LAMA2: variants seen among roughly 807,000 people sequenced by gnomAD.
LAMA2 encodes the protein laminin subunit alpha-2.
A neutral mutation model predicts 364.8 loss-of-function variants in LAMA2; 269 were observed. The observed-to-expected ratio is 0.74, with a 90% CI of 0.67 to 0.82. LAMA2 has a LOEUF of 0.82. Among genes scored for constraint, LAMA2 ranks in the 40% least tolerant of loss-of-function variants. The pLI, the probability that LAMA2 is intolerant of heterozygous loss-of-function variation, is 0.00. For missense variants in LAMA2, 3,807 were observed against 3,873.2 expected, an observed-to-expected ratio of 0.98 and a Z score of 0.45; for synonymous variants, 1,379 against 1,370.6, an observed-to-expected ratio of 1.01 and a Z score of -0.14.
chr6:129,028,741 G>A (rs1204631157), intron 1 of LAMA2, among the ~76,000 whole-genome samples: 2 of 151,626 alleles, frequency 1.3e-5, no homozygotes, highest in Non-Finnish European at 3.0e-5. Context: ...GGAGCCTGAG[G>A]GAATCAATAT....
rs1021796733 is a variant in LAMA2, at chr6:129,300,757, G to A, written c.3059G>A (p.Gly1020Asp). 6.2e-7 allele frequency: 1 copy of A among 1,613,494 alleles called. No individual in the cohort carries two copies. Among genetic ancestry groups the A allele is most frequent in the African/African-American group, 1.3e-5 (1 of 74,836 alleles). The change falls in exon 22 of 65, where the codon GGT becomes GAT. Residue 1020 changes from glycine (G) to aspartate (D), a missense_variant. Physicochemically the swap from Gly to Asp is moderately conservative, Grantham distance 94. Coordinates refer to ENST00000421865, the MANE Select transcript of LAMA2 (RefSeq NM_000426.4). Reference sequence around the variant, plus strand: ...GAAGCTTGTGAATGTTCTCATCTGGGTAATAATTGTGACCCAAAGACTGGG... The same window carrying A: ...GAAGCTTGTGAATGTTCTCATCTGGATAATAATTGTGACCCAAAGACTGGG... ...GCTACECSHL[G>D]NNCDPKTGRC... is the part of the protein sequence containing the mutation.
In LAMA2 at chr6:129,050,922, C is replaced by T. The variant is rs186187671; in HGVS notation, c.283+834C>T. Among the ~76,000 whole-genome samples the T allele has an allele frequency of 7.9e-5, 12 of 152,186 alleles. No individual in the cohort carries two copies. In the East Asian group the frequency reaches 2.3e-3, roughly 29 times the overall value. Reference sequence around the variant, plus strand: ...CTCATTGATGTATTTATTCAACAGGCCTTTGAACACCTCCTACTAGCAAAG... The same window carrying T: ...CTCATTGATGTATTTATTCAACAGGTCTTTGAACACCTCCTACTAGCAAAG... On this transcript the variant is annotated intron_variant, in intron 2 of 64. Transcript: ENST00000421865.
intron 41 of LAMA2, 66 bp downstream of exon 41, chr6:129,427,920 C>A: frequency 1.1e-6 from 1 of 948,398 alleles, no homozygotes; most frequent in Non-Finnish European, 1.7e-6. Flanking sequence ...GATATTCTAT[C>A]ACACTATTGG....
chr6:128,894,371 T>C (rs1776640427), intron 1 of LAMA2, among the ~76,000 whole-genome samples: 1 of 152,212 alleles, frequency 6.6e-6, no homozygotes, highest in Non-Finnish European at 1.5e-5. Flanking sequence ...AAGCTGTTAA[T>C]CTCACAATGG....
Position 129,199,696 on chromosome 6 carries a change from A to G in LAMA2, c.1782+6843A>G, listed in dbSNP as rs548399235. Among the ~76,000 whole-genome samples, 72 of 152,302 alleles carry G rather than the reference A, an allele frequency of 4.7e-4. 1 individual carries two copies. The highest frequency in any genetic ancestry group is 4.1e-3 in the Admixed American group (62 of 15,304). On this transcript the variant is annotated intron_variant, in intron 12 of 64. Transcript: ENST00000421865. ...ATATCAACAACACTTTTCAAAAAAA[A>G]TTTTTAAGAGGCCATGTATAATAGC...
At chr6:129,234,804 CAG>C (rs1562362973) in intron 12 of LAMA2, among the ~76,000 whole-genome samples, 3 of 151,968 alleles carry the variant, frequency 2.0e-5, no homozygotes, top group East Asian at 1.9e-4. Context: ...AGGAATATAA[CAG>C]GGGGCATAAA....
intron 1 of LAMA2, among the ~76,000 whole-genome samples, chr6:128,924,501 A>G (rs1778964135): frequency 6.6e-6 from 1 of 152,084 alleles, no homozygotes. Context: ...TGTTTTGAGT[A>G]TCAATTAAAT....
At chr6:129,410,483 A>G (rs573103306) in intron 40 of LAMA2, among the ~76,000 whole-genome samples, 138 of 152,156 alleles carry the variant, frequency 9.1e-4, no homozygotes, top group Admixed American at 1.4e-3. Context: ...ATGTTCCTTA[A>G]TATCTTCTAA....
At chr6:128,895,360 C>T (rs949137654) in intron 1 of LAMA2, among the ~76,000 whole-genome samples, 21 of 147,210 alleles carry the variant, frequency 1.4e-4, no homozygotes, top group African/African-American at 5.2e-4. Flanking sequence ...TGGCGGGGCG[C>T]GGTGGCTCAC....
intron 1 of LAMA2, among the ~76,000 whole-genome samples, chr6:128,903,392 T>C (rs1406376216): frequency 6.6e-6 from 1 of 152,214 alleles, no homozygotes; most frequent in Non-Finnish European, 1.5e-5. Flanking sequence ...ATGTGTGCTT[T>C]CAATTCTGTT....
intron 3 of LAMA2, among the ~76,000 whole-genome samples, chr6:129,066,046 T>TTTTTTTTTTTC (rs1789293429): frequency 2.4e-5 from 2 of 82,752 alleles, no homozygotes; most frequent in African/African-American, 3.8e-5. Flanking sequence ...AGGTTTTTTT[T>TTTTTTTTTTTC]TTTTTTTTTT....
chr6:128,909,402 G>A (rs1325893981), intron 1 of LAMA2, among the ~76,000 whole-genome samples: 1 of 151,488 alleles, frequency 6.6e-6, no homozygotes, highest in East Asian at 1.9e-4. Flanking sequence ...GGCCTTCTTT[G>A]TCTCTTTTGA....
chr6:129,107,937 G>A (rs570460787), intron 4 of LAMA2, among the ~76,000 whole-genome samples: 74 of 152,272 alleles, frequency 4.9e-4, no homozygotes, highest in African/African-American at 1.8e-3. Flanking sequence ...AGTTCCTGCT[G>A]AAGCTCTATG....
chr6:129,353,285 C>T lies in LAMA2; in HGVS notation c.4645C>T (p.Arg1549Ter), dbSNP rs121913575. The T allele has an allele frequency of 5.6e-6, 9 of 1,614,044 alleles. No individual in the cohort carries two copies. The South Asian group carries it at 6.6e-5, about 12-fold the overall frequency. The change falls in exon 32 of 65, where the codon CGA (arginine) becomes TGA (stop). Residue 1549 changes from arginine to a stop codon, truncating the protein, a stop_gained. Transcript: ENST00000421865. LOFTEE classifies it high-confidence loss of function. Reference protein sequence around the residue: ...CDPVTGFCTCRPGATGRKCDG... With the variant: ...CDPVTGFCTC ...CCCTGTCACAGGATTCTGCACGTGC[C>T]GACCTGGAGCCACGGGAAGGAAGTG...
At chr6:128,928,977 T>A in intron 1 of LAMA2, 1 of 1,144,186 alleles carries the variant, frequency 8.7e-7, no homozygotes, top group South Asian at 1.2e-5. Context: ...AGCTACTCAT[T>A]CCAGCTCAGA....
rs142437429 is a variant in LAMA2 at position 129,200,342 on chromosome 6, A to G, written c.1782+7489A>G. 3.1e-3 allele frequency among the ~76,000 whole-genome samples: 378 copies of G among 121,148 alleles called. 21 individuals carry two copies. Among genetic ancestry groups the G allele is most frequent in the Non-Finnish European group, 4.1e-3 (213 of 51,484 alleles). 79.5% of individuals were successfully genotyped at this position (121,148 alleles called of 152,430 possible). A position where few individuals can be genotyped will look rare whatever the true frequency, so the allele number is the denominator to read the frequency against. On this transcript the variant is annotated intron_variant, in intron 12 of 64. Coordinates refer to ENST00000421865, the MANE Select transcript of LAMA2 (RefSeq NM_000426.4). ...CGTGTACACATATACATATACACGTATATGTGTACACATATACATATACAC... is the reference window on the plus strand; with the variant it reads ...CGTGTACACATATACATATACACGTGTATGTGTACACATATACATATACAC...
In LAMA2 at chr6:128,883,209, T is replaced by C. The variant is rs1456696466; in HGVS notation, c.-37T>C. 1 of 1,543,218 alleles carries C rather than the reference T, an allele frequency of 6.5e-7. No homozygotes were observed. The highest frequency in any genetic ancestry group is 8.7e-7 in the Non-Finnish European group (1 of 1,144,514). Reference sequence around the variant, plus strand: ...GGGGACAGGGCGGCAGCGACTCCTCTGGCTCCCGAGAAGTGGATCCGGTCG... The same window carrying C: ...GGGGACAGGGCGGCAGCGACTCCTCCGGCTCCCGAGAAGTGGATCCGGTCG... On this transcript the variant is annotated 5_prime_UTR_variant, in exon 1 of 65. Transcript: ENST00000421865.
chr6:129,359,055 T>A (rs1777311264), intron 32 of LAMA2, among the ~76,000 whole-genome samples: 1 of 151,962 alleles, frequency 6.6e-6, no homozygotes, highest in African/African-American at 2.4e-5. Flanking sequence ...AGAATTGCTT[T>A]AAATATTAAG....
intron 17 of LAMA2, among the ~76,000 whole-genome samples, chr6:129,273,025 G>A (rs902439127): frequency 6.6e-6 from 1 of 152,160 alleles, no homozygotes; most frequent in African/African-American, 2.4e-5. Flanking sequence ...TAAGGCATGA[G>A]CCTGAATGGG....
Sources: allele counts gnomAD v4.1 joint callset (sites outside exome capture counted in the v4.1 genomes callset), GRCh38; gene constraint gnomAD v4.1.1; transcripts MANE v1.5; gene names NCBI Gene and HGNC (gene_info 2026-07-23, HGNC 2026-07-21).